The following DPP10 variants were observed in gnomAD, a reference collection of about 807,000 sequenced individuals.
DPP10 encodes the protein dipeptidyl peptidase like 10, also known as inactive dipeptidyl peptidase 10.
A neutral mutation model predicts 120.9 loss-of-function variants in DPP10; 33 were observed. That is an observed-to-expected ratio of 0.27 (90% CI 0.21 to 0.37). The LOEUF (loss-of-function observed/expected upper bound fraction) is 0.37. Ranked by LOEUF, DPP10 falls within the 10% of genes least tolerant of loss-of-function variation. The pLI, the probability that DPP10 is intolerant of heterozygous loss-of-function variation, is 1.00. For missense variants in DPP10, 816 were observed against 942.8 expected (o/e 0.87, Z 1.76); for synonymous variants, 337 against 326.1 (o/e 1.03, Z -0.36).
At chr2:114,688,526 G>A (rs2105753293) in intron 1 of DPP10, among the ~76,000 whole-genome samples, 1 of 152,062 alleles carries the variant, frequency 6.6e-6, no homozygotes, top group South Asian at 2.1e-4. Flanking sequence ...AGGATGTTCT[G>A]ATGCTTGGTC....
chr2:114,809,577 G>T (rs538412255), intron 1 of DPP10, among the ~76,000 whole-genome samples: 2 of 152,046 alleles, frequency 1.3e-5, no homozygotes, highest in Non-Finnish European at 2.9e-5. Context: ...TGTGACAATC[G>T]TGTGAAAGGG....
intron 1 of DPP10, among the ~76,000 whole-genome samples, chr2:114,447,773 AG>A (rs1460339519): frequency 6.6e-6 from 1 of 152,238 alleles, no homozygotes; most frequent in East Asian, 1.9e-4. Context: ...ATTTTTCTTC[AG>A]CATTAGGATG....
In DPP10 at chr2:114,903,174, C is replaced by G. The variant is rs982112077; in HGVS notation, c.61-406065C>G. Among the ~76,000 whole-genome samples, 9 of 152,110 alleles carry G rather than the reference C, an allele frequency of 5.9e-5. No homozygotes were observed. The East Asian group carries it at 1.7e-3, about 29-fold the overall frequency. ...GAATAATATTCTATTGTCTGATGTA[C>G]CACAGTTGATTTATCCATTTACCTA... On this transcript the variant is annotated intron_variant, in intron 1 of 25. Coordinates refer to ENST00000410059, the MANE Select transcript of DPP10 (RefSeq NM_020868.6).
chr2:115,566,758 A>C (rs1043339585), intron 5 of DPP10, among the ~76,000 whole-genome samples: 1 of 152,210 alleles, frequency 6.6e-6, no homozygotes, highest in Non-Finnish European at 1.5e-5. Context: ...GCTCATTGCT[A>C]CTGTAATGAC....
chr2:115,136,722 T>C (rs1448573705), intron 1 of DPP10, among the ~76,000 whole-genome samples: 2 of 152,070 alleles, frequency 1.3e-5, no homozygotes, highest in African/African-American at 4.8e-5. Flanking sequence ...GTTATCTATT[T>C]GAGGAGCCAA....
At chr2:115,006,092 C>A (rs1701821872) in intron 1 of DPP10, among the ~76,000 whole-genome samples, 1 of 152,018 alleles carries the variant, frequency 6.6e-6, no homozygotes, top group African/African-American at 2.4e-5. Context: ...AATTTTCAAT[C>A]CAGAATTTCA....
chr2:115,427,304 C>T (rs1030553545), intron 3 of DPP10, among the ~76,000 whole-genome samples: 1 of 152,216 alleles, frequency 6.6e-6, no homozygotes, highest in Non-Finnish European at 1.5e-5. Flanking sequence ...CGCATTTCCC[C>T]ATAGCACTAC....
chr2:114,637,824 G>T (rs867790436), intron 1 of DPP10, among the ~76,000 whole-genome samples: 3 of 151,632 alleles, frequency 2.0e-5, no homozygotes, highest in Non-Finnish European at 2.9e-5. Context: ...TAGGTTTTCC[G>T]TTCTGTTCCA....
chr2:114,579,281 G>C (rs1373730643), intron 1 of DPP10, among the ~76,000 whole-genome samples: 1 of 152,194 alleles, frequency 6.6e-6, no homozygotes, highest in Non-Finnish European at 1.5e-5. Context: ...TGAGGGAGTG[G>C]AGTGAACTGC....
At chr2:115,220,781 A>G (rs1178107479) in intron 1 of DPP10, among the ~76,000 whole-genome samples, 1 of 152,154 alleles carries the variant, frequency 6.6e-6, no homozygotes, top group African/African-American at 2.4e-5. Flanking sequence ...TTCAAAAGGG[A>G]AATACAACAA....
intron 1 of DPP10, among the ~76,000 whole-genome samples, chr2:114,944,788 G>T (rs979044535): frequency 1.3e-5 from 2 of 152,130 alleles, no homozygotes; most frequent in Non-Finnish European, 2.9e-5. Context: ...ATAGCTACAG[G>T]ATTTTTTTTG....
intron 1 of DPP10, among the ~76,000 whole-genome samples, chr2:114,692,796 A>G (rs1171094095): frequency 1.3e-5 from 2 of 152,072 alleles, no homozygotes; most frequent in African/African-American, 4.8e-5. Context: ...TAGTATAGTT[A>G]GCTGTTCTTG....
At chr2:114,861,578 G>T (rs1456755347) in intron 1 of DPP10, among the ~76,000 whole-genome samples, 3 of 151,996 alleles carry the variant, frequency 2.0e-5, no homozygotes, top group African/African-American at 7.3e-5. Context: ...GTTAAATTTT[G>T]AACTACATTT....
At chr2:114,904,867 G>C (rs1254097067) in intron 1 of DPP10, among the ~76,000 whole-genome samples, 1 of 152,132 alleles carries the variant, frequency 6.6e-6, no homozygotes, top group Non-Finnish European at 1.5e-5. Context: ...CTAGATAGTT[G>C]GGGGCAGAAC....
At chr2:114,502,590 A>C (rs988337356) in intron 1 of DPP10, among the ~76,000 whole-genome samples, 1 of 152,224 alleles carries the variant, frequency 6.6e-6, no homozygotes, top group Non-Finnish European at 1.5e-5. Flanking sequence ...TAAGTAACCT[A>C]TGTTTTGAGC....
intron 1 of DPP10, among the ~76,000 whole-genome samples, chr2:115,069,529 A>G (rs1379398545): frequency 6.6e-6 from 1 of 152,120 alleles, no homozygotes; most frequent in East Asian, 1.9e-4. Context: ...GATATCCTCC[A>G]GACTGTTCAG....
intron 1 of DPP10, among the ~76,000 whole-genome samples, chr2:115,067,195 T>C (rs1381117517): frequency 2.0e-5 from 3 of 152,130 alleles, no homozygotes; most frequent in Non-Finnish European, 2.9e-5. Context: ...TAACATAATG[T>C]TTTCTATGGT....
At chr2:115,349,204 A>G (rs1338575964) in intron 3 of DPP10, among the ~76,000 whole-genome samples, 1 of 152,156 alleles carries the variant, frequency 6.6e-6, no homozygotes, top group Admixed American at 6.6e-5. Flanking sequence ...TTGGAAAAAA[A>G]TAAACTCACT....
intron 1 of DPP10, among the ~76,000 whole-genome samples, chr2:114,564,232 T>C (rs1449525352): frequency 1.3e-5 from 2 of 152,206 alleles, no homozygotes; most frequent in Non-Finnish European, 2.9e-5. Flanking sequence ...CATAAATTTT[T>C]TGGTTTGAAT....
Sources: gnomAD v4.1 joint callset for allele counts (sites outside exome capture counted in the v4.1 genomes callset) on GRCh38, gnomAD v4.1.1 for gene constraint, MANE v1.5 for transcripts, NCBI Gene and HGNC (gene_info 2026-07-23, HGNC 2026-07-21) for gene names.